Variants in CORO7 observed in about 807,000 individuals in gnomAD.
CORO7 encodes coronin-7.
Under a neutral mutation model 126.6 loss-of-function variants are expected in CORO7, and 107 were observed. That is an observed-to-expected ratio of 0.85 (90% CI 0.72 to 0.99). The LOEUF (loss-of-function observed/expected upper bound fraction) is 0.99. Ranked by LOEUF, CORO7 falls within the 50% of genes least tolerant of loss-of-function variation. The pLI, the probability that CORO7 is intolerant of heterozygous loss-of-function variation, is 0.00. For missense variants in CORO7, 1,314 were observed against 1,255.8 expected (o/e 1.05, Z -0.70); for synonymous variants, 603 against 536.8 (o/e 1.12, Z -1.70).
chr16:4,361,799 C>G, intron 16 of CORO7, 186 bp downstream of exon 16: 1 of 996,970 alleles, frequency 1.0e-6, no homozygotes, highest in Middle Eastern at 2.0e-4. Flanking sequence ...CCTCTTCTCC[C>G]TCATCTGTAA....
At position 4,358,104 on chromosome 16, in the gene CORO7, C is replaced by A; in HGVS notation, c.2458-1G>T. ...ACACGTCATCCTGGAAGAACTCTTT[C>A]TGCAGAGGGAGAAACGGGCTGTCCT... is the stretch of plus-strand genomic sequence containing the variant. On this transcript the variant is annotated splice_acceptor_variant, in intron 24 of 27. Transcript: ENST00000251166. LOFTEE classifies it high-confidence loss of function. 1 of 1,610,776 alleles carries A rather than the reference C, an allele frequency of 6.2e-7. No individual in the cohort carries two copies. Among genetic ancestry groups the A allele is most frequent in the Non-Finnish European group, 8.5e-7 (1 of 1,177,636 alleles).
At chr16:4,375,678 C>T (rs541129288) in intron 9 of CORO7, among the ~76,000 whole-genome samples, 10 of 152,264 alleles carry the variant, frequency 6.6e-5, no homozygotes, top group African/African-American at 1.9e-4. Context: ...TTAGTAGAGA[C>T]GGGGTTTCAC....
chr16:4,357,029 C>T (rs1043912655), intron 26 of CORO7, 139 bp downstream of exon 26: 16 of 1,182,506 alleles, frequency 1.4e-5, no homozygotes, highest in Admixed American at 6.2e-5. Context: ...GGAAGGTCTC[C>T]CCACCAGGCT....
At chr16:4,403,712 A>G (rs2055895282) in intron 6 of CORO7, among the ~76,000 whole-genome samples, 1 of 152,192 alleles carries the variant, frequency 6.6e-6, no homozygotes, top group East Asian at 1.9e-4. Context: ...CACAACTGTG[A>G]TAGTAAATAG....
intron 7 of CORO7, among the ~76,000 whole-genome samples, chr16:4,393,657 G>A (rs1027836364): frequency 3.9e-5 from 6 of 152,126 alleles, no homozygotes; most frequent in African/African-American, 1.4e-4. Context: ...GACCCCGGGT[G>A]GGGAAAACGT....
intron 3 of CORO7, among the ~76,000 whole-genome samples, chr16:4,409,446 CAT>C (rs1018200934): frequency 6.6e-6 from 1 of 152,214 alleles, no homozygotes; most frequent in African/African-American, 2.4e-5. Context: ...GATGTGATGA[CAT>C]AAGCAATCTG....
chr16:4,415,688 T>C (rs1369810345), intron 1 of CORO7: 22 of 984,876 alleles, frequency 2.2e-5, no homozygotes, highest in Non-Finnish European at 2.7e-5. Context: ...CTAGGCCCAG[T>C]TATCGGAGGA....
chr16:4,380,053 G>C (rs1430872844), intron 9 of CORO7, among the ~76,000 whole-genome samples: 1 of 144,256 alleles, frequency 6.9e-6, no homozygotes, highest in South Asian at 2.2e-4. Context: ...GCAAGACTCC[G>C]TCTCAAAAAA....
rs945742759 is a variant in CORO7, at chr16:4,410,227, C to T, written c.233-1976G>A. On this transcript the variant is annotated intron_variant, in intron 3 of 27. Coordinates refer to ENST00000251166, the MANE Select transcript of CORO7 (RefSeq NM_024535.5). ...ATCACTTGAGGCTAGGAGTTCAGGA[C>T]CAGCCTGGGCAACACAGCAAAACCC... Among the ~76,000 whole-genome samples, 9 of 152,096 alleles carry T rather than the reference C, an allele frequency of 5.9e-5. No homozygotes were observed. The South Asian group carries it at 1.0e-3, about 18-fold the overall frequency.
chr16:4,362,778 G>T lies in CORO7; in HGVS notation c.1276-40C>A. On this transcript the variant is annotated intron_variant, in intron 14 of 27. Transcript: ENST00000251166. This position sits in a 1 kb window ranked among gnomAD's most constrained non-coding sequence, Gnocchi z 5.3. ...GGGGTCAGCCAGCCTGCTCCTAGGT[G>T]TACTGGCCAAAAGGAGGGGGTGCCA... is the stretch of plus-strand genomic sequence containing the variant. The T allele has an allele frequency of 7.6e-7, 1 of 1,312,576 alleles. No individual in the cohort carries two copies. Among genetic ancestry groups the T allele is most frequent in the Non-Finnish European group, 9.7e-7 (1 of 1,027,072 alleles). 81.3% of individuals were successfully genotyped at this position (1,312,576 alleles called of 1,614,324 possible).
At chr16:4,380,411 C>T (rs971800376) in intron 9 of CORO7, among the ~76,000 whole-genome samples, 1 of 152,382 alleles carries the variant, frequency 6.6e-6, no homozygotes, top group East Asian at 1.9e-4. Flanking sequence ...CGGAGCGTGG[C>T]AGCAGGAGCC....
chr16:4,416,592 C>T lies in CORO7; in HGVS notation c.-74G>A, dbSNP rs1567312003. On this transcript the variant is annotated 5_prime_UTR_variant, in exon 1 of 28. Coordinates refer to ENST00000251166, the MANE Select transcript of CORO7 (RefSeq NM_024535.5). The stretch of plus-strand genomic sequence containing the variant: ...GTCTCAGGTGCACGCTGAGCAACCG[C>T]GACTCCCGCTGCCTCGGCCCCACCC... 2 of 1,536,572 alleles carry T rather than the reference C, an allele frequency of 1.3e-6. No homozygotes were observed. The highest frequency in any genetic ancestry group is 2.4e-5 in the South Asian group (2 of 83,286).
intron 1 of CORO7, chr16:4,414,353 A>T (rs2056330568): frequency 6.6e-6 from 1 of 152,184 alleles, no homozygotes; most frequent in African/African-American, 2.4e-5. Flanking sequence ...CCCCCACCCA[A>T]GGGGAGGCAG....
chr16:4,383,287 G>A, intron 9 of CORO7: 1 of 235,028 alleles, frequency 4.3e-6, no homozygotes, highest in East Asian at 9.4e-5. Flanking sequence ...AGGGAGAGCG[G>A]GTAGGCGGCT....
At chr16:4,404,009 T>C (rs189275242) in intron 6 of CORO7, among the ~76,000 whole-genome samples, 1 of 152,298 alleles carries the variant, frequency 6.6e-6, no homozygotes, top group Admixed American at 6.5e-5. Flanking sequence ...GGGGGCCTTA[T>C]TGGCCCCCAG....
intron 26 of CORO7, 111 bp from the exon 27 acceptor site, chr16:4,355,483 T>A: frequency 3.6e-6 from 4 of 1,114,614 alleles, no homozygotes; most frequent in Non-Finnish European, 5.1e-6. Flanking sequence ...TTTTTTTTTT[T>A]AGACGGAGTC....
Position 4,364,290 on chromosome 16 carries a change from C to A in CORO7, c.1261G>T (p.Asp421Tyr), listed in dbSNP as rs758490203. Residue 421 changes from aspartate (D) to tyrosine (Y), a missense_variant, in exon 14 of 28, where the codon GAT becomes TAT. By Grantham distance (160) the Asp-to-Tyr change is radical (BLOSUM62 -3). Transcript: ENST00000251166. ...QPAVMETPVG[D>Y]ADASEGFSSP... ...CTGGTACTTACGCTTGCGTCTGCAT[C>A]ACCCACGGGTGTCTCCATCACCGCA... 15 of 1,550,406 alleles carry A rather than the reference C, an allele frequency of 9.7e-6. No individual in the cohort carries two copies. The South Asian group carries it at 1.9e-4, about 19-fold the overall frequency.
intron 6 of CORO7, among the ~76,000 whole-genome samples, chr16:4,403,605 G>C (rs536422966): frequency 6.6e-6 from 1 of 152,166 alleles, no homozygotes; most frequent in South Asian, 2.1e-4. Context: ...GAGCTCCTCC[G>C]TCTGTGACTC....
At chr16:4,390,537 G>C (rs746878570) in intron 7 of CORO7, among the ~76,000 whole-genome samples, 6 of 152,230 alleles carry the variant, frequency 3.9e-5, no homozygotes, top group Non-Finnish European at 7.3e-5. Context: ...TCTGCAAAGA[G>C]TTGGAAACTG....
Sources: gnomAD v4.1 joint callset for allele counts (sites outside exome capture counted in the v4.1 genomes callset) on GRCh38, gnomAD v4.1.1 for gene constraint, Gnocchi (gnomAD v3.1) non-coding constraint, MANE v1.5 for transcripts, NCBI Gene and HGNC (gene_info 2026-07-23, HGNC 2026-07-21) for gene names.